The following C1orf21 variants were observed in gnomAD, a reference collection of about 807,000 sequenced individuals.
C1orf21 encodes the protein uncharacterized protein C1orf21.
Under a neutral mutation model 18.7 loss-of-function variants are expected in C1orf21, and 3 were observed. That is an observed-to-expected ratio of 0.16 (90% CI 0.07 to 0.42). C1orf21 has a LOEUF of 0.42. C1orf21 is among the 10% of genes least tolerant of loss of function. The pLI is 0.99. For synonymous variants in C1orf21, 41 were observed against 46.4 expected, an observed-to-expected ratio of 0.88 and a Z score of 0.47; for missense variants, 104 against 143.6, an observed-to-expected ratio of 0.72 and a Z score of 1.41.
intron 2 of C1orf21, among the ~76,000 whole-genome samples, chr1:184,490,290 A>G (rs1398283759): frequency 2.6e-5 from 4 of 152,260 alleles, no homozygotes; most frequent in South Asian, 4.1e-4. Context: ...TAAAGATGCA[A>G]TAGATGGACA....
At chr1:184,534,029 G>A (rs974711065) in intron 3 of C1orf21, among the ~76,000 whole-genome samples, 2 of 152,176 alleles carry the variant, frequency 1.3e-5, no homozygotes, top group African/African-American at 4.8e-5. Flanking sequence ...ATTCACCAGG[G>A]CAGTCCTGAA....
intron 5 of C1orf21, among the ~76,000 whole-genome samples, chr1:184,615,298 G>T (rs1201174511): frequency 6.6e-6 from 1 of 152,298 alleles, no homozygotes; most frequent in Non-Finnish European, 1.5e-5. Context: ...GTAGGCAAAG[G>T]TTCCTTGGGG....
At chr1:184,559,835 C>T (rs1250627961) in intron 3 of C1orf21, among the ~76,000 whole-genome samples, 2 of 152,046 alleles carry the variant, frequency 1.3e-5, no homozygotes, top group Non-Finnish European at 2.9e-5. Context: ...CCAGGCTGGT[C>T]TCTAACTCCT....
chr1:184,444,201 A>T (rs1274225261), intron 1 of C1orf21, among the ~76,000 whole-genome samples: 1 of 152,086 alleles, frequency 6.6e-6, no homozygotes, highest in African/African-American at 2.4e-5. Flanking sequence ...TACAGTAACT[A>T]CCTTGGTTCA....
chr1:184,445,597 T>C (rs951648363), intron 1 of C1orf21, among the ~76,000 whole-genome samples: 1 of 152,080 alleles, frequency 6.6e-6, no homozygotes, highest in Non-Finnish European at 1.5e-5. Flanking sequence ...CTCAACTCAT[T>C]GGAACATACT....
intron 2 of C1orf21, among the ~76,000 whole-genome samples, chr1:184,497,942 T>C (rs1657916818): frequency 6.6e-6 from 1 of 152,202 alleles, no homozygotes; most frequent in African/African-American, 2.4e-5. Flanking sequence ...CTCTGATGAC[T>C]TTTCATCTGT....
chr1:184,410,419 G>A (rs1656314625), intron 1 of C1orf21, among the ~76,000 whole-genome samples: 1 of 148,402 alleles, frequency 6.7e-6, no homozygotes, highest in South Asian at 2.1e-4. Context: ...TGCAAAACGA[G>A]AGTCAATTTG....
At chr1:184,485,915 C>T (rs567500190) in intron 2 of C1orf21, among the ~76,000 whole-genome samples, 2 of 152,270 alleles carry the variant, frequency 1.3e-5, no homozygotes, top group East Asian at 3.9e-4. Flanking sequence ...GCCCTAAGGG[C>T]AGGAGAAGTG....
At position 184,496,781 on chromosome 1, in the gene C1orf21, C is replaced by G. The variant is rs1364885893; in HGVS notation, c.95-10807C>G. On this transcript the variant is annotated intron_variant, in intron 2 of 5. Coordinates refer to ENST00000235307, the MANE Select transcript of C1orf21 (RefSeq NM_030806.4). ...CCAGTTTACGTTTGGCTTGTTTATA[C>G]AGAATTATGTAGGCCTTTCATACTT... is the stretch of plus-strand genomic sequence containing the variant. 2.0e-5 allele frequency among the ~76,000 whole-genome samples: 3 copies of G among 152,168 alleles called. No individual in the cohort carries two copies. The East Asian group carries it at 5.8e-4, about 29-fold the overall frequency.
At chr1:184,497,978 ATC>A (rs1411460940) in intron 2 of C1orf21, among the ~76,000 whole-genome samples, 10 of 151,976 alleles carry the variant, frequency 6.6e-5, no homozygotes, top group African/African-American at 2.4e-4. Context: ...AAAATCTCTC[ATC>A]TCTCTCATCT....
intron 3 of C1orf21, among the ~76,000 whole-genome samples, chr1:184,526,525 A>G (rs1265908962): frequency 6.6e-6 from 1 of 152,192 alleles, no homozygotes; most frequent in Non-Finnish European, 1.5e-5. Flanking sequence ...GCAGGTTGTC[A>G]TCTTTCTAAA....
intron 3 of C1orf21, among the ~76,000 whole-genome samples, chr1:184,540,446 T>G (rs1658630429): frequency 1.3e-5 from 2 of 152,046 alleles, no homozygotes. Context: ...TTTTGTTTTT[T>G]TTTTTGAGAC....
At chr1:184,443,974 C>T (rs1025959659) in intron 1 of C1orf21, among the ~76,000 whole-genome samples, 2 of 152,094 alleles carry the variant, frequency 1.3e-5, no homozygotes, top group Admixed American at 1.3e-4. Flanking sequence ...TGAGAATGAG[C>T]TGGTCATTGA....
chr1:184,607,764 TAGAG>T (rs901509609), intron 5 of C1orf21, among the ~76,000 whole-genome samples: 9 of 151,498 alleles, frequency 5.9e-5, no homozygotes, highest in Non-Finnish European at 1.3e-4. Flanking sequence ...TATACATATA[TAGAG>T]AGAAAGAGTC....
At chr1:184,567,151 A>G (rs191710825) in intron 3 of C1orf21, 1 of 475,852 alleles carries the variant, frequency 2.1e-6, no homozygotes. Flanking sequence ...TTCTTCATGA[A>G]GGTGGTTACT....
chr1:184,437,814 A>C (rs1310037249), intron 1 of C1orf21, among the ~76,000 whole-genome samples: 1 of 152,048 alleles, frequency 6.6e-6, no homozygotes, highest in Non-Finnish European at 1.5e-5. Flanking sequence ...GGGAGCCCTG[A>C]GCTCATTTTC....
At chr1:184,433,010 C>T in intron 1 of C1orf21, among the ~76,000 whole-genome samples, 1 of 152,200 alleles carries the variant, frequency 6.6e-6, no homozygotes, top group East Asian at 1.9e-4. Context: ...CCAAGAGGTA[C>T]ATGCTACAGT....
chr1:184,481,831 G>A (rs1657662551), intron 2 of C1orf21, among the ~76,000 whole-genome samples: 1 of 152,152 alleles, frequency 6.6e-6, no homozygotes, highest in African/African-American at 2.4e-5. Context: ...GCCCTGCAGG[G>A]CTCTGGGGGA....
At chr1:184,428,983 G>C (rs1039381604) in intron 1 of C1orf21, among the ~76,000 whole-genome samples, 3 of 152,110 alleles carry the variant, frequency 2.0e-5, no homozygotes, top group Admixed American at 2.0e-4. Context: ...TCCTTGCACA[G>C]TTTTCCCCAT....
Sources: allele counts gnomAD v4.1 joint callset (sites outside exome capture counted in the v4.1 genomes callset), GRCh38; gene constraint gnomAD v4.1.1; transcripts MANE v1.5; gene names NCBI Gene and HGNC (gene_info 2026-07-23, HGNC 2026-07-21).